RFC3: variants seen among roughly 807,000 people sequenced by gnomAD.
RFC3 encodes the protein replication factor C subunit 3, also known as A1 38 kDa subunit.
RFC3 carries 41 observed loss-of-function variants against 45.1 expected under a neutral mutation model. The ratio of observed to expected loss-of-function variants is 0.91; its 90% confidence interval spans 0.71 to 1.18. RFC3 has a LOEUF of 1.18. RFC3 is among the 50% of genes most tolerant of loss of function. RFC3 has a pLI of 0.00. For synonymous variants in RFC3, 149 were observed against 144.0 expected, an observed-to-expected ratio of 1.03 and a Z score of -0.25; for missense variants, 423 against 428.1, an observed-to-expected ratio of 0.99 and a Z score of 0.10.
intron 8 of RFC3, among the ~76,000 whole-genome samples, chr13:33,891,031 G>A (rs2082560193): frequency 6.6e-6 from 1 of 152,046 alleles, no homozygotes; most frequent in African/African-American, 2.4e-5. Flanking sequence ...CACTTACAAG[G>A]TGAAAAAGGT....
chr13:33,830,018 GTAGGTCAAGT>G lies in RFC3; in HGVS notation c.573+4_573+13del, dbSNP rs1566381548. 1 of 1,612,638 alleles carries G rather than the reference GTAGGTCAAGT, an allele frequency of 6.2e-7. No individual in the cohort carries two copies. Among genetic ancestry groups the G allele is most frequent in the East Asian group, 2.2e-5 (1 of 44,860 alleles). On this transcript the variant is annotated splice_donor_variant and splice_donor_5th_base_variant and intron_variant, in intron 5 of 8. Coordinates refer to ENST00000380071, the MANE Select transcript of RFC3 (RefSeq NM_002915.4). LOFTEE classifies it high-confidence loss of function. The stretch of plus-strand genomic sequence containing the variant: ...TGTGCCTGCTCCCAGCATTGAAGAT[GTAGGTCAAGT>G]TACACTTTTCTGAAAAATAAATCAG...
intron 8 of RFC3, chr13:33,846,784 C>G (rs900724783): frequency 6.6e-6 from 1 of 152,136 alleles, no homozygotes; most frequent in African/African-American, 2.4e-5. Context: ...CAGTTTCTGC[C>G]CACTGGGATA....
intron 8 of RFC3, among the ~76,000 whole-genome samples, chr13:33,872,166 AG>A (rs1363145873): frequency 6.6e-6 from 1 of 152,168 alleles, no homozygotes; most frequent in Non-Finnish European, 1.5e-5. Flanking sequence ...TGGTAATGAA[AG>A]CTTATTCATA....
chr13:33,898,355 T>A (rs2137658298), intron 8 of RFC3, among the ~76,000 whole-genome samples: 1 of 151,996 alleles, frequency 6.6e-6, no homozygotes, highest in South Asian at 2.1e-4. Flanking sequence ...ACAAGAGGAA[T>A]TTTGGAAACT....
At chr13:33,967,482 A>G (rs1424970294), downstream of RFC3, among the ~76,000 whole-genome samples, 1 of 127,894 alleles carries the variant, frequency 7.8e-6, no homozygotes. Flanking sequence ...TTAAACCAGC[A>G]ATTCTTTTTT....
chr13:33,925,683 G>A (rs2082806889), intron 8 of RFC3, among the ~76,000 whole-genome samples: 1 of 140,966 alleles, frequency 7.1e-6, no homozygotes, highest in South Asian at 2.2e-4. Flanking sequence ...TAGTGTGTAT[G>A]TATATATACA....
chr13:33,885,834 C>G (rs997587603), intron 8 of RFC3, among the ~76,000 whole-genome samples: 2 of 152,104 alleles, frequency 1.3e-5, no homozygotes, highest in Non-Finnish European at 2.9e-5. Context: ...GTTGCCTACC[C>G]CAGAGCTCCA....
intron 8 of RFC3, among the ~76,000 whole-genome samples, chr13:33,883,685 G>A (rs534532811): frequency 2.6e-5 from 4 of 152,282 alleles, no homozygotes; most frequent in African/African-American, 9.6e-5. Flanking sequence ...TTTTTTAACA[G>A]TGGAATGAGA....
chr13:33,884,871 A>G (rs1435891139), intron 8 of RFC3, among the ~76,000 whole-genome samples: 1 of 152,230 alleles, frequency 6.6e-6, no homozygotes, highest in African/African-American at 2.4e-5. Flanking sequence ...AGAAAAAGAG[A>G]AAGGAGTCCA....
chr13:33,926,479 T>C (rs2082814374), intron 8 of RFC3, among the ~76,000 whole-genome samples: 2 of 152,264 alleles, frequency 1.3e-5, no homozygotes, highest in South Asian at 2.1e-4. Flanking sequence ...AAAGTAATTA[T>C]AAATATTCTT....
chr13:33,862,876 T>A (rs2082349838), intron 8 of RFC3, among the ~76,000 whole-genome samples: 1 of 152,202 alleles, frequency 6.6e-6, no homozygotes, highest in Admixed American at 6.5e-5. Flanking sequence ...CCATCTTACT[T>A]AGTCCATTTC....
intron 8 of RFC3, among the ~76,000 whole-genome samples, chr13:33,949,690 T>C (rs1027711285): frequency 1.3e-5 from 2 of 152,150 alleles, no homozygotes; most frequent in African/African-American, 4.8e-5. Context: ...TGGTCAAATA[T>C]TATTCTGGGT....
intron 8 of RFC3, among the ~76,000 whole-genome samples, chr13:33,922,249 G>C (rs777948901): frequency 6.6e-6 from 1 of 150,390 alleles, no homozygotes; most frequent in African/African-American, 2.5e-5. Flanking sequence ...TCCATTTTGA[G>C]TGTATAATTC....
downstream of RFC3, among the ~76,000 whole-genome samples, chr13:33,840,765 G>T (rs9598165): frequency 6.6e-6 from 1 of 151,612 alleles, no homozygotes; most frequent in Non-Finnish European, 1.5e-5. Context: ...GCATAACCTA[G>T]AAATATCTTT....
intron 8 of RFC3, among the ~76,000 whole-genome samples, chr13:33,948,600 T>G (rs1431321471): frequency 6.6e-6 from 1 of 152,030 alleles, no homozygotes; most frequent in Non-Finnish European, 1.5e-5. Flanking sequence ...CCTCAGACAC[T>G]CAATGCCAGT....
intron 8 of RFC3, among the ~76,000 whole-genome samples, chr13:33,858,883 A>T (rs780701414): frequency 1.3e-5 from 2 of 152,152 alleles, no homozygotes; most frequent in Non-Finnish European, 2.9e-5. Flanking sequence ...TGTTTCTTGG[A>T]CATCTCTTTT....
chr13:33,925,774 C>A (rs1326431597), intron 8 of RFC3, among the ~76,000 whole-genome samples: 1 of 151,492 alleles, frequency 6.6e-6, no homozygotes, highest in Non-Finnish European at 1.5e-5. Context: ...GCATTTTAGG[C>A]CAAGAAAGAG....
chr13:33,951,906 C>T (rs541408877), intron 8 of RFC3, among the ~76,000 whole-genome samples: 7 of 152,190 alleles, frequency 4.6e-5, no homozygotes, highest in South Asian at 2.1e-4. Context: ...GAATTTGATC[C>T]GGAGAGCTTA....
At chr13:33,833,275 G>A (rs2139417684) in intron 7 of RFC3, among the ~76,000 whole-genome samples, 1 of 152,088 alleles carries the variant, frequency 6.6e-6, no homozygotes, top group African/African-American at 2.4e-5. Flanking sequence ...AATTTGAATA[G>A]CAGCGAATAT....
Sources: gnomAD v4.1 joint callset for allele counts (sites outside exome capture counted in the v4.1 genomes callset) on GRCh38, gnomAD v4.1.1 for gene constraint, MANE v1.5 for transcripts, NCBI Gene and HGNC (gene_info 2026-07-23, HGNC 2026-07-21) for gene names.